The following GRIK2 variants were observed in gnomAD, a reference collection of about 807,000 sequenced individuals.
The protein encoded by GRIK2 is glutamate receptor ionotropic, kainate 2.
In GRIK2, 32 loss-of-function variants were observed where a neutral mutation model predicts 100.3. The ratio of observed to expected loss-of-function variants is 0.32; its 90% CI spans 0.24 to 0.43. GRIK2 has a LOEUF of 0.43. GRIK2 is among the 20% of genes least tolerant of loss of function. GRIK2 has a pLI of 1.00. For synonymous variants in GRIK2, 417 were observed against 389.4 expected (o/e 1.07, Z -0.83); for missense variants, 843 against 1,114.9 (o/e 0.76, Z 3.47).
chr6:101,860,947 CT>C, intron 11 of GRIK2: 3 of 919,106 alleles, frequency 3.3e-6, no homozygotes, highest in Non-Finnish European at 3.9e-6. Context: ...GAAAAAAGAC[CT>C]TTTCCCTGAA....
intron 4 of GRIK2, among the ~76,000 whole-genome samples, chr6:101,636,097 C>T (rs1780996121): frequency 6.6e-6 from 1 of 152,056 alleles, no homozygotes. Flanking sequence ...ACAGAATCAA[C>T]CCAAATGCCC....
chr6:101,685,727 A>G (rs1282515008), intron 6 of GRIK2, among the ~76,000 whole-genome samples: 3 of 152,140 alleles, frequency 2.0e-5, no homozygotes, highest in Non-Finnish European at 4.4e-5. Flanking sequence ...CATTAGTTAG[A>G]AGCTGTATTT....
intron 2 of GRIK2, among the ~76,000 whole-genome samples, chr6:101,525,487 G>T (rs1041717263): frequency 1.3e-5 from 2 of 152,244 alleles, no homozygotes; most frequent in Middle Eastern, 6.8e-3. Flanking sequence ...GATATCAGAT[G>T]TGTAGGAAAC....
At chr6:101,891,893 ATAGTGACAGACACAGCCACTC>A (rs1787123092) in intron 12 of GRIK2, among the ~76,000 whole-genome samples, 2 of 152,146 alleles carry the variant, frequency 1.3e-5, no homozygotes, top group African/African-American at 4.8e-5. Flanking sequence ...CATCTTTTTT[ATAGTGACAGACACAGCCACTC>A]TAGTTTATGT....
chr6:101,523,744 G>A (rs1382198739), intron 2 of GRIK2, among the ~76,000 whole-genome samples: 1 of 115,438 alleles, frequency 8.7e-6, no homozygotes, highest in Non-Finnish European at 2.0e-5. Context: ...TTTTTTGATG[G>A]AGTCTCACTC....
chr6:101,717,489 G>A (rs972347299), intron 7 of GRIK2, among the ~76,000 whole-genome samples: 1 of 151,744 alleles, frequency 6.6e-6, no homozygotes, highest in Non-Finnish European at 1.5e-5. Context: ...TAATTGGGAA[G>A]AAATTAATTC....
chr6:101,430,846 C>A, intron 2 of GRIK2: 1 of 315,878 alleles, frequency 3.2e-6, no homozygotes, highest in South Asian at 4.0e-5. Context: ...CACAGCTTCT[C>A]CTTGATGTCG....
chr6:101,934,584 T>A (rs190811032), intron 14 of GRIK2, among the ~76,000 whole-genome samples: 1 of 151,850 alleles, frequency 6.6e-6, no homozygotes, highest in Non-Finnish European at 1.5e-5. Context: ...AACTTTTCCA[T>A]TGAGAGATAA....
chr6:101,482,387 T>A (rs1017466697), intron 2 of GRIK2, among the ~76,000 whole-genome samples: 1 of 152,018 alleles, frequency 6.6e-6, no homozygotes, highest in African/African-American at 2.4e-5. Flanking sequence ...CTGCCTTGAG[T>A]GAAATGGGTT....
At chr6:101,476,201 C>G (rs550661773) in intron 2 of GRIK2, among the ~76,000 whole-genome samples, 90 of 152,156 alleles carry the variant, frequency 5.9e-4, no homozygotes, top group African/African-American at 2.1e-3. Flanking sequence ...TGTGTGTTCT[C>G]TAGTACAATC....
chr6:101,973,660 C>G (rs1214601596), intron 14 of GRIK2, among the ~76,000 whole-genome samples: 1 of 151,790 alleles, frequency 6.6e-6, no homozygotes, highest in Non-Finnish European at 1.5e-5. Flanking sequence ...TTTAAAGGAT[C>G]AGGAATGTGA....
intron 9 of GRIK2, among the ~76,000 whole-genome samples, chr6:101,814,133 G>GACT (rs1781495698): frequency 6.6e-6 from 1 of 151,984 alleles, no homozygotes; most frequent in Admixed American, 6.6e-5. Flanking sequence ...CACATTAGTA[G>GACT]ACTTAAATGT....
chr6:101,887,491 T>G (rs1184214702), intron 11 of GRIK2, among the ~76,000 whole-genome samples: 1 of 55,266 alleles, frequency 1.8e-5, no homozygotes, highest in African/African-American at 5.6e-5. Flanking sequence ...ACTACTACTT[T>G]ATGTTCATTT....
intron 11 of GRIK2, among the ~76,000 whole-genome samples, chr6:101,873,107 A>T (rs1270371391): frequency 3.3e-5 from 5 of 151,792 alleles, no homozygotes; most frequent in Admixed American, 6.6e-5. Flanking sequence ...AATTTTTTTT[A>T]AATTATACAT....
intron 12 of GRIK2, among the ~76,000 whole-genome samples, chr6:101,902,790 A>G (rs567631108): frequency 1.3e-5 from 2 of 151,918 alleles, no homozygotes; most frequent in Non-Finnish European, 2.9e-5. Context: ...ATTTAGTTGC[A>G]ATATTATAAA....
At chr6:101,808,487 T>C (rs753796785) in intron 9 of GRIK2, among the ~76,000 whole-genome samples, 1 of 152,054 alleles carries the variant, frequency 6.6e-6, no homozygotes, top group Admixed American at 6.6e-5. Context: ...AGTCTTTTAC[T>C]GTTACACTTT....
At chr6:101,467,435 T>C (rs1771703516) in intron 2 of GRIK2, among the ~76,000 whole-genome samples, 1 of 152,162 alleles carries the variant, frequency 6.6e-6, no homozygotes, top group Non-Finnish European at 1.5e-5. Flanking sequence ...TTATAAAAGA[T>C]ACAAAGCTTT....
chr6:101,982,654 C>CT (rs397940879), intron 14 of GRIK2, among the ~76,000 whole-genome samples: 16,984 of 142,914 alleles, frequency 0.12, 2,625 homozygotes, highest in African/African-American at 0.36. Flanking sequence ...CCCCCTTCTT[C>CT]TTTTTTTTTT....
intron 7 of GRIK2, among the ~76,000 whole-genome samples, chr6:101,757,296 T>C (rs149295107): frequency 0.011 from 1,750 of 152,316 alleles, 17 homozygotes; most frequent in African/African-American, 0.013. Flanking sequence ...GTACCTAATG[T>C]ATTTAAATTT....
Sources: allele counts gnomAD v4.1 joint callset (sites outside exome capture counted in the v4.1 genomes callset), GRCh38; gene constraint gnomAD v4.1.1; transcripts MANE v1.5; gene names NCBI Gene and HGNC (gene_info 2026-07-23, HGNC 2026-07-21).